Variants in CACNA1E observed in about 807,000 individuals in gnomAD.
CACNA1E encodes voltage-dependent R-type calcium channel subunit alpha-1E.
A neutral mutation model predicts 259.2 loss-of-function variants in CACNA1E; 40 were observed. The observed-to-expected ratio is 0.15, with a 90% CI of 0.12 to 0.20. CACNA1E has a LOEUF of 0.20. Ranked by LOEUF, CACNA1E falls within the 10% of genes least tolerant of loss-of-function variation. The probability of loss-of-function intolerance (pLI) is 1.00; values close to 1 mark genes in which losing one functional copy is unlikely to be tolerated. For synonymous variants in CACNA1E, 1,104 were observed against 1,138.5 expected, an observed-to-expected ratio of 0.97 and a Z score of 0.61; for missense variants, 1,874 against 3,040.1, an observed-to-expected ratio of 0.62 and a Z score of 9.02.
chr1:181,683,388 GCT>G (rs1650185946), intron 7 of CACNA1E, among the ~76,000 whole-genome samples: 1 of 152,156 alleles, frequency 6.6e-6, no homozygotes, highest in Non-Finnish European at 1.5e-5. Flanking sequence ...TGTGTTCCAT[GCT>G]CTTATGCTTG....
chr1:181,730,078 T>G (rs922659589), intron 18 of CACNA1E, among the ~76,000 whole-genome samples: 1 of 152,236 alleles, frequency 6.6e-6, no homozygotes, highest in Non-Finnish European at 1.5e-5. Flanking sequence ...GCACTGTGCA[T>G]CTTCCAGACA....
chr1:181,802,244 T>G lies in CACNA1E; in HGVS notation c.*3410T>G, dbSNP rs975865567. On this transcript the variant is annotated 3_prime_UTR_variant, in exon 48 of 48. Transcript: ENST00000367573. ...CTGCTCTTCTGGCTGAAGAATCTGT[T>G]TTTCTTCTGGGCTTCACTTGTAGTT... The G allele has an allele frequency of 1.3e-5, 2 of 152,254 alleles. No individual in the cohort carries two copies. Among genetic ancestry groups the G allele is most frequent in the African/African-American group, 4.8e-5 (2 of 41,454 alleles). 9.4% of individuals were successfully genotyped at this position (152,254 alleles called of 1,614,324 possible).
chr1:181,421,521 G>GC (rs1658743792), intron 2 of CACNA1E, among the ~76,000 whole-genome samples: 1 of 152,086 alleles, frequency 6.6e-6, no homozygotes, highest in Non-Finnish European at 1.5e-5. Flanking sequence ...TGCTTGTCTG[G>GC]CATCTCTGCA....
Position 181,691,347 on chromosome 1 carries a change from T to C in CACNA1E, c.1056-19607T>C, listed in dbSNP as rs1296522398. Among the ~76,000 whole-genome samples, 3 of 152,216 alleles carry C rather than the reference T, an allele frequency of 2.0e-5. 1 individual carries two copies. Among genetic ancestry groups the C allele is most frequent in the African/African-American group, 4.8e-5 (2 of 41,576 alleles). On this transcript the variant is annotated intron_variant, in intron 7 of 47. Transcript: ENST00000367573. ...ATTTTACATACATTTTCTGTTCTGC[T>C]ATCTGCTCTGTCCTGTAACCTATCT...
chr1:181,602,336 A>G (rs1339058890), intron 6 of CACNA1E, among the ~76,000 whole-genome samples: 2 of 152,174 alleles, frequency 1.3e-5, no homozygotes, highest in African/African-American at 4.8e-5. Context: ...TGCTTGGGAC[A>G]AGAAGTGTTT....
At chr1:181,673,645 A>T (rs1649046238) in intron 7 of CACNA1E, among the ~76,000 whole-genome samples, 1 of 152,164 alleles carries the variant, frequency 6.6e-6, no homozygotes, top group South Asian at 2.1e-4. Context: ...CAGAAAGAGG[A>T]CATCCCTTAT....
intron 4 of CACNA1E, among the ~76,000 whole-genome samples, chr1:181,578,538 G>C (rs1217294884): frequency 6.6e-6 from 1 of 152,218 alleles, no homozygotes; most frequent in Non-Finnish European, 1.5e-5. Context: ...CTGCACTCCA[G>C]CCTTGGCGAC....
chr1:181,732,827 A>G lies in CACNA1E; in HGVS notation c.2741A>G (p.His914Arg). The part of the protein sequence containing the change: ...AVVTFEDRAR[H>R]RQSQRRSRHR... ...GTGACCTTTGAGGACCGGGCCAGGC[A>G]CAGGCAGAGCCAACGGCGCAGCCGG... The change falls in exon 20 of 48, where the codon CAC becomes CGC. Residue 914 changes from histidine (H) to arginine (R), a missense_variant. Physicochemically the swap from His to Arg is conservative, Grantham distance 29. Around this residue, in one of 14 missense-constraint regions of CACNA1E, gnomAD observed 476 missense variants for 514.0 expected, o/e 0.93. Coordinates refer to ENST00000367573, the MANE Select transcript of CACNA1E (RefSeq NM_001205293.3). The surrounding 1 kb of genome is among the most constrained non-coding windows in gnomAD (Gnocchi z 5.5). 2 of 1,612,740 alleles carry G rather than the reference A, an allele frequency of 1.2e-6. No individual in the cohort carries two copies. The highest frequency in any genetic ancestry group is 1.7e-6 in the Non-Finnish European group (2 of 1,179,178).
At chr1:181,683,547 C>A (rs566288738) in intron 7 of CACNA1E, among the ~76,000 whole-genome samples, 1 of 152,282 alleles carries the variant, frequency 6.6e-6, no homozygotes, top group Non-Finnish European at 1.5e-5. Flanking sequence ...CAGATAGTGA[C>A]CATAGTACCC....
intron 1 of CACNA1E, among the ~76,000 whole-genome samples, chr1:181,318,463 A>T (rs1440027265): frequency 6.6e-6 from 1 of 152,140 alleles, no homozygotes; most frequent in African/African-American, 2.4e-5. Context: ...CCGCTCGAGG[A>T]TGCAGGGTTC....
chr1:181,690,893 A>C (rs760347392), intron 7 of CACNA1E, among the ~76,000 whole-genome samples: 11 of 151,644 alleles, frequency 7.3e-5, no homozygotes, highest in Non-Finnish European at 1.6e-4. Flanking sequence ...GACTTCTTTA[A>C]ATTTCTTAGG....
intron 3 of CACNA1E, among the ~76,000 whole-genome samples, chr1:181,549,443 A>G (rs1392594638): frequency 6.6e-6 from 1 of 152,150 alleles, no homozygotes; most frequent in Non-Finnish European, 1.5e-5. Context: ...TTGGAAAGAG[A>G]AGTAAGAGAA....
intron 2 of CACNA1E, among the ~76,000 whole-genome samples, chr1:181,468,578 A>T (rs1222287542): frequency 1.3e-5 from 2 of 152,220 alleles, no homozygotes; most frequent in African/African-American, 4.8e-5. Context: ...GAATGCAAAG[A>T]TGAATGAGCC....
chr1:181,743,291 C>G (rs1215029271), intron 25 of CACNA1E, among the ~76,000 whole-genome samples: 1 of 148,898 alleles, frequency 6.7e-6, no homozygotes, highest in East Asian at 1.9e-4. Context: ...AAACCTTCCT[C>G]TTTTATCTTT....
At chr1:181,757,546 A>G (rs1267770883) in intron 30 of CACNA1E, among the ~76,000 whole-genome samples, 1 of 152,044 alleles carries the variant, frequency 6.6e-6, no homozygotes, top group Non-Finnish European at 1.5e-5. Context: ...TCTTTATTTT[A>G]TTTTATTTTT....
At chr1:181,644,067 C>A (rs1052076787) in intron 6 of CACNA1E, among the ~76,000 whole-genome samples, 1 of 152,148 alleles carries the variant, frequency 6.6e-6, no homozygotes, top group South Asian at 2.1e-4. Context: ...CTCATTCTTT[C>A]CCCTGCTCCC....
At chr1:181,594,534 G>C (rs1652966862) in intron 6 of CACNA1E, among the ~76,000 whole-genome samples, 1 of 152,152 alleles carries the variant, frequency 6.6e-6, no homozygotes, top group Non-Finnish European at 1.5e-5. Flanking sequence ...GAGTAGCTAG[G>C]ATCACAGGCC....
chr1:181,323,198 A>C (rs549678857), intron 1 of CACNA1E, among the ~76,000 whole-genome samples: 1 of 152,184 alleles, frequency 6.6e-6, no homozygotes, highest in African/African-American at 2.4e-5. Flanking sequence ...AAATGTGTAC[A>C]TGTGCTTTTT....
In CACNA1E at chr1:181,567,019, G is replaced by A. The variant is rs570122073; in HGVS notation, c.513-10747G>A. 5.3e-5 allele frequency among the ~76,000 whole-genome samples: 8 copies of A among 152,226 alleles called. No individual in the cohort carries two copies. The East Asian group carries it at 1.5e-3, about 29-fold the overall frequency. The stretch of plus-strand genomic sequence containing the variant: ...ATAAGGCAGCTCCCCACCACCAATT[G>A]TCTGTCCCCAAACATCAATACAACA... On this transcript the variant is annotated intron_variant, in intron 3 of 47. Transcript: ENST00000367573.
Sources: allele counts gnomAD v4.1 joint callset (sites outside exome capture counted in the v4.1 genomes callset), GRCh38; gene constraint gnomAD v4.1.1; regional missense constraint gnomAD v4.1.1; non-coding constraint Gnocchi (gnomAD v3.1); transcripts MANE v1.5; gene names NCBI Gene and HGNC (gene_info 2026-07-23, HGNC 2026-07-21).